ALCAM: variants seen among roughly 807,000 people sequenced by gnomAD.
ALCAM encodes the protein CD166 antigen.
Under a neutral mutation model 70.9 loss-of-function variants are expected in ALCAM, and 30 were observed. The observed-to-expected ratio is 0.42, with a 90% confidence interval of 0.32 to 0.57. The LOEUF (loss-of-function observed/expected upper bound fraction) is 0.57. Among genes scored for constraint, ALCAM ranks in the 20% least tolerant of loss-of-function variants. ALCAM has a pLI of 0.11. For missense variants in ALCAM, 591 were observed against 695.1 expected, an observed-to-expected ratio of 0.85 and a Z score of 1.68; for synonymous variants, 249 against 242.5, an observed-to-expected ratio of 1.03 and a Z score of -0.25.
At chr3:105,436,155 C>T (rs908852557) in intron 1 of ALCAM, among the ~76,000 whole-genome samples, 2 of 152,094 alleles carry the variant, frequency 1.3e-5, no homozygotes, top group African/African-American at 4.8e-5. Context: ...CAGGTCCTTC[C>T]CACAACACAT....
At chr3:105,484,414 G>A (rs1938364255) in intron 1 of ALCAM, among the ~76,000 whole-genome samples, 1 of 151,388 alleles carries the variant, frequency 6.6e-6, no homozygotes, top group African/African-American at 2.4e-5. Context: ...CCATACCCAG[G>A]ATTTTAAAGA....
intron 1 of ALCAM, among the ~76,000 whole-genome samples, chr3:105,479,318 G>A (rs1462961798): frequency 6.6e-6 from 1 of 152,084 alleles, no homozygotes; most frequent in African/African-American, 2.4e-5. Context: ...TACAGGATAA[G>A]GTCAGAAAGT....
chr3:105,389,074 A>AAT (rs1221321891), intron 1 of ALCAM, among the ~76,000 whole-genome samples: 1 of 151,618 alleles, frequency 6.6e-6, no homozygotes, highest in Non-Finnish European at 1.5e-5. Flanking sequence ...GAGCAAAGTG[A>AAT]ATGGCAAGTA....
At chr3:105,417,934 A>C (rs1161573929) in intron 1 of ALCAM, among the ~76,000 whole-genome samples, 1 of 149,466 alleles carries the variant, frequency 6.7e-6, no homozygotes, top group African/African-American at 2.5e-5. Flanking sequence ...TTTTTCAAAA[A>C]TGAATATTCT....
intron 1 of ALCAM, among the ~76,000 whole-genome samples, chr3:105,373,086 A>C (rs1166544029): frequency 6.6e-6 from 1 of 152,108 alleles, no homozygotes; most frequent in Non-Finnish European, 1.5e-5. Context: ...ACATCATATG[A>C]GTTTCCATGA....
intron 11 of ALCAM, among the ~76,000 whole-genome samples, chr3:105,549,221 T>G (rs1940332572): frequency 1.3e-5 from 2 of 151,562 alleles, no homozygotes; most frequent in Admixed American, 6.6e-5. Context: ...GGATTTGTGC[T>G]GATGCATCCA....
At chr3:105,368,681 G>C (rs1935145491) in intron 1 of ALCAM, among the ~76,000 whole-genome samples, 1 of 152,014 alleles carries the variant, frequency 6.6e-6, no homozygotes, top group South Asian at 2.1e-4. Flanking sequence ...AGGAACTGGC[G>C]GGGAGAGGGG....
At chr3:105,535,757 T>C (rs1379929527) in intron 6 of ALCAM, among the ~76,000 whole-genome samples, 2 of 152,074 alleles carry the variant, frequency 1.3e-5, no homozygotes, top group African/African-American at 2.4e-5. Context: ...GATTTTCTTC[T>C]TATTATTAAT....
At chr3:105,374,520 T>A (rs1462439457) in intron 1 of ALCAM, among the ~76,000 whole-genome samples, 1 of 152,114 alleles carries the variant, frequency 6.6e-6, no homozygotes, top group Non-Finnish European at 1.5e-5. Context: ...TTTTTTGTTT[T>A]TGTTTTTGTT....
At chr3:105,367,611 T>C (rs2107308975) in intron 1 of ALCAM, 130 bp downstream of exon 1, 2 of 1,062,934 alleles carry the variant, frequency 1.9e-6, no homozygotes, top group Non-Finnish European at 2.8e-6. Flanking sequence ...ACCGCTGTCC[T>C]GGCACAGAGC....
Position 105,407,531 on chromosome 3 carries a change from T to C in ALCAM, c.73+40050T>C, listed in dbSNP as rs558522544. 1.8e-4 allele frequency among the ~76,000 whole-genome samples: 28 copies of C among 152,154 alleles called. No individual in the cohort carries two copies. In the South Asian group the frequency reaches 2.1e-3, roughly 11 times the overall value. ...GACAAAATTCAGTATCCCTTTATTA[T>C]TAAAGCCCTCAGCAAAATTGGCAGA... On this transcript the variant is annotated intron_variant, in intron 1 of 15. Coordinates refer to ENST00000306107, the MANE Select transcript of ALCAM (RefSeq NM_001627.4).
At chr3:105,368,892 G>C (rs576617661) in intron 1 of ALCAM, among the ~76,000 whole-genome samples, 11 of 152,132 alleles carry the variant, frequency 7.2e-5, no homozygotes, top group Non-Finnish European at 1.5e-5. Flanking sequence ...GACAAATCTC[G>C]GGCTCTGGGG....
intron 15 of ALCAM, among the ~76,000 whole-genome samples, chr3:105,572,997 A>C (rs1559661760): frequency 6.6e-6 from 1 of 152,204 alleles, no homozygotes; most frequent in Admixed American, 6.5e-5. Context: ...ATTTGTTTTA[A>C]ATAAATGATT....
At chr3:105,514,246 C>T (rs141429204) in intron 1 of ALCAM, among the ~76,000 whole-genome samples, 20 of 151,942 alleles carry the variant, frequency 1.3e-4, no homozygotes, top group African/African-American at 3.6e-4. Flanking sequence ...TAGCAGGTGT[C>T]CAATAAATAT....
chr3:105,551,388 C>T (rs1940402581), intron 12 of ALCAM, among the ~76,000 whole-genome samples: 2 of 151,550 alleles, frequency 1.3e-5, no homozygotes, highest in Non-Finnish European at 1.5e-5. Flanking sequence ...GTGACTTTAT[C>T]AACATTTAAT....
rs1166916206 is a variant in ALCAM at position 105,574,489 on chromosome 3, T to C, written c.*38T>C. 2 of 152,394 alleles carry C rather than the reference T, an allele frequency of 1.3e-5. No homozygotes were observed. Among genetic ancestry groups the C allele is most frequent in the Non-Finnish European group, 2.9e-5 (2 of 68,014 alleles). The allele number at this position is 152,394 out of a possible 1,614,324, so 9.4% of individuals were successfully genotyped here. A position where few individuals can be genotyped will look rare whatever the true frequency, so the allele number is the denominator to read the frequency against. On this transcript the variant is annotated 3_prime_UTR_variant, in exon 16 of 16. Transcript: ENST00000306107. ...TTTTTCATTTCAGAGATAAAAATCA[T>C]ATAGACCAATTGAAGCATGAACGTG...
At chr3:105,479,596 C>T (rs1433197409) in intron 1 of ALCAM, among the ~76,000 whole-genome samples, 4 of 152,110 alleles carry the variant, frequency 2.6e-5, no homozygotes, top group Admixed American at 1.3e-4. Context: ...TGCTTTTAGA[C>T]CACTTGACAA....
chr3:105,392,894 G>C (rs193299921), intron 1 of ALCAM, among the ~76,000 whole-genome samples: 12 of 152,038 alleles, frequency 7.9e-5, no homozygotes, highest in African/African-American at 9.6e-5. Flanking sequence ...GATTTTGAGT[G>C]AGTTTCTTGA....
chr3:105,463,001 C>T (rs1937625338), intron 1 of ALCAM, among the ~76,000 whole-genome samples: 1 of 151,374 alleles, frequency 6.6e-6, no homozygotes, highest in South Asian at 2.1e-4. Flanking sequence ...TCAGCATGAC[C>T]ATCTTAAATC....
Sources: allele counts gnomAD v4.1 joint callset (sites outside exome capture counted in the v4.1 genomes callset), GRCh38; gene constraint gnomAD v4.1.1; transcripts MANE v1.5; gene names NCBI Gene and HGNC (gene_info 2026-07-23, HGNC 2026-07-21).